Variants in MAST4 observed in about 807,000 individuals in gnomAD.
MAST4 encodes microtubule associated serine/threonine kinase family member 4, also known as microtubule-associated serine/threonine-protein kinase 4.
Under a neutral mutation model 162.7 loss-of-function variants are expected in MAST4, and 89 were observed. The ratio of observed to expected loss-of-function variants is 0.55; its 90% CI spans 0.46 to 0.65. MAST4 has a LOEUF of 0.65. Among genes scored for constraint, MAST4 ranks in the 30% least tolerant of loss-of-function variants. The pLI is 0.00. For synonymous variants in MAST4, 1,479 were observed against 1,361.1 expected (o/e 1.09, Z -1.91); for missense variants, 3,153 against 3,374.0 (o/e 0.93, Z 1.62).
intron 4 of MAST4, among the ~76,000 whole-genome samples, chr5:67,000,193 G>C (rs757280225): frequency 9.9e-5 from 15 of 152,128 alleles, no homozygotes; most frequent in Admixed American, 2.6e-4. Flanking sequence ...CTGAAAATGG[G>C]GATGGGAAGA....
At chr5:67,063,626 C>CTT (rs35295218) in intron 5 of MAST4, among the ~76,000 whole-genome samples, 73 of 146,874 alleles carry the variant, frequency 5.0e-4, no homozygotes, top group South Asian at 2.2e-3. Flanking sequence ...GTGGTAGCAA[C>CTT]TTTTTTTTTT....
chr5:66,660,101 A>G (rs1269327880), intron 1 of MAST4, among the ~76,000 whole-genome samples: 2 of 152,224 alleles, frequency 1.3e-5, no homozygotes, highest in East Asian at 3.8e-4. Flanking sequence ...AAAGTGCTAC[A>G]TGCGTGGCTG....
intron 1 of MAST4, among the ~76,000 whole-genome samples, chr5:66,730,848 C>A (rs1751802624): frequency 6.6e-6 from 1 of 151,652 alleles, no homozygotes; most frequent in South Asian, 2.1e-4. Flanking sequence ...TCCACATATA[C>A]CAACCCCTCC....
In MAST4 at chr5:67,162,752, A is replaced by G; in HGVS notation, c.3931A>G (p.Thr1311Ala). The part of the protein sequence containing the change: ...PTHSLSPRSP[T>A]PSYRSTPDFP... ...TCATAGCTTGTCTCCCCGGTCTCCA[A>G]CACCAAGCTACCGCTCCACCCCTGA... Residue 1311 changes from threonine (T) to alanine (A), a missense_variant, in exon 28 of 29, where the codon ACA becomes GCA. Physicochemically the swap from Thr to Ala is moderately conservative, Grantham distance 58. This residue lies in a region of MAST4 where 619 missense variants were observed against 744.2 expected (regional missense o/e 0.83). Coordinates refer to ENST00000403625, the MANE Select transcript of MAST4 (RefSeq NM_001164664.2). The G allele has an allele frequency of 3.7e-6, 6 of 1,613,862 alleles. No individual in the cohort carries two copies. Among genetic ancestry groups the G allele is most frequent in the Non-Finnish European group, 5.1e-6 (6 of 1,179,872 alleles).
intron 1 of MAST4, among the ~76,000 whole-genome samples, chr5:66,719,541 T>C (rs962937840): frequency 7.9e-5 from 12 of 152,198 alleles, no homozygotes; most frequent in Admixed American, 2.0e-4. Flanking sequence ...TTGCTTTTCT[T>C]TTTCTTTTTT....
chr5:66,637,273 C>T (rs896558276), intron 1 of MAST4, among the ~76,000 whole-genome samples: 2 of 150,626 alleles, frequency 1.3e-5, no homozygotes, highest in African/African-American at 4.9e-5. Context: ...AGTTGCAAAC[C>T]ATGCTTTGAT....
chr5:66,609,544 C>T (rs113414659), intron 1 of MAST4, among the ~76,000 whole-genome samples: 4,056 of 151,196 alleles, frequency 0.027, 89 homozygotes, highest in African/African-American at 0.068. Flanking sequence ...CGCATACTAC[C>T]ACGGCCAGCT....
At chr5:66,927,295 A>C (rs531354889) in intron 4 of MAST4, among the ~76,000 whole-genome samples, 1 of 152,308 alleles carries the variant, frequency 6.6e-6, no homozygotes, top group East Asian at 1.9e-4. Flanking sequence ...AGCAGTTGTA[A>C]TACCTCCAGA....
chr5:67,034,873 A>G (rs1755812056), intron 4 of MAST4, among the ~76,000 whole-genome samples: 1 of 152,132 alleles, frequency 6.6e-6, no homozygotes, highest in African/African-American at 2.4e-5. Context: ...GATTTTCTAA[A>G]ATGATAGTAT....
At position 66,804,143 on chromosome 5, in the gene MAST4, T is replaced by A. The variant is rs62360042; in HGVS notation, c.642+15349T>A. 3.6e-3 allele frequency among the ~76,000 whole-genome samples: 547 copies of A among 152,328 alleles called. 3 individuals carry two copies. Among genetic ancestry groups the A allele is most frequent in the Admixed American group, 6.4e-3 (98 of 15,306 alleles). The stretch of plus-strand genomic sequence containing the variant: ...GGTTTATTAATAATTTGCTTAGGAT[T>A]TTTCTGTGTTTACAAGTGGCATTAA... On this transcript the variant is annotated intron_variant, in intron 3 of 28. Coordinates refer to ENST00000403625, the MANE Select transcript of MAST4 (RefSeq NM_001164664.2).
intron 1 of MAST4, among the ~76,000 whole-genome samples, chr5:66,712,645 TATCTC>T (rs1422050056): frequency 6.6e-6 from 1 of 152,244 alleles, no homozygotes; most frequent in African/African-American, 2.4e-5. Context: ...CCTCTTTTGA[TATCTC>T]AAAGAAATAG....
chr5:67,126,593 A>T (rs1439038624), intron 14 of MAST4, among the ~76,000 whole-genome samples: 1 of 152,036 alleles, frequency 6.6e-6, no homozygotes, highest in Non-Finnish European at 1.5e-5. Context: ...GTTCTGTTCT[A>T]TTGGTCTGTA....
chr5:67,034,296 G>A (rs895640538), intron 4 of MAST4, among the ~76,000 whole-genome samples: 1 of 152,140 alleles, frequency 6.6e-6, no homozygotes, highest in Non-Finnish European at 1.5e-5. Flanking sequence ...ACAAAAGCCT[G>A]CCTTTTCTGC....
chr5:67,139,207 G>A (rs1198983570), intron 19 of MAST4, among the ~76,000 whole-genome samples: 11 of 152,158 alleles, frequency 7.2e-5, no homozygotes, highest in African/African-American at 2.7e-4. Flanking sequence ...CAGGCCTGCC[G>A]TGCTGCTTCC....
intron 4 of MAST4, among the ~76,000 whole-genome samples, chr5:66,901,221 G>A (rs1326249986): frequency 6.6e-6 from 1 of 151,982 alleles, no homozygotes; most frequent in African/African-American, 2.4e-5. Context: ...TAAGGCTTAA[G>A]CACCCTTTAT....
chr5:67,026,864 G>A (rs902544678), intron 4 of MAST4, among the ~76,000 whole-genome samples: 6 of 151,836 alleles, frequency 4.0e-5, no homozygotes, highest in African/African-American at 1.5e-4. Flanking sequence ...CTTATCTTTG[G>A]GCCTCACCTT....
intron 1 of MAST4, among the ~76,000 whole-genome samples, chr5:66,661,081 C>G (rs1413910123): frequency 6.6e-6 from 1 of 152,100 alleles, no homozygotes; most frequent in Non-Finnish European, 1.5e-5. Context: ...CTCTAGGCAT[C>G]CCTAGTGTCT....
intron 1 of MAST4, among the ~76,000 whole-genome samples, chr5:66,744,454 A>G (rs1338738999): frequency 6.6e-6 from 1 of 152,234 alleles, no homozygotes; most frequent in African/African-American, 2.4e-5. Context: ...TTTTATAAGA[A>G]GTATGTATTA....
intron 10 of MAST4, among the ~76,000 whole-genome samples, chr5:67,108,781 T>A (rs549197431): frequency 2.4e-4 from 37 of 152,314 alleles, no homozygotes; most frequent in African/African-American, 8.9e-4. Context: ...TCATTTTTTA[T>A]AAATTTGATC....
Sources: gnomAD v4.1 joint callset for allele counts (sites outside exome capture counted in the v4.1 genomes callset) on GRCh38, gnomAD v4.1.1 for gene constraint, gnomAD v4.1.1 regional missense constraint, MANE v1.5 for transcripts, NCBI Gene and HGNC (gene_info 2026-07-23, HGNC 2026-07-21) for gene names.